Variants in MGME1 observed in about 807,000 individuals in gnomAD.
The protein encoded by MGME1 is chromosome 20 open reading frame 72.
Under a neutral mutation model 33.0 loss-of-function variants are expected in MGME1, and 22 were observed. That is an observed-to-expected ratio of 0.67 (90% CI 0.48 to 0.95). The LOEUF is 0.95. Ranked by LOEUF, MGME1 falls within the 40% of genes least tolerant of loss-of-function variation. The pLI is 0.00. For missense variants in MGME1, 383 were observed against 397.8 expected (o/e 0.96, Z 0.32); for synonymous variants, 133 against 144.0 (o/e 0.92, Z 0.55).
rs1555792155 is a variant in MGME1, at chr20:17,990,410, T to TGTG, written c.*302_*303insTGG. On this transcript the variant is annotated 3_prime_UTR_variant, in exon 5 of 5. Transcript: ENST00000377710. Reference sequence around the variant, plus strand: ...ACTCTTGTACTCCCTTGAGGGACATTGGGGGGGGGGGGGCGTGGTCCCAGG... The same window carrying TGTG: ...ACTCTTGTACTCCCTTGAGGGACATTGTGGGGGGGGGGGGGGCGTGGTCCCAGG... 4.5e-5 allele frequency: 2 copies of TGTG among 44,504 alleles called. No individual in the cohort carries two copies. Among genetic ancestry groups the TGTG allele is most frequent in the African/African-American group, 2.8e-4 (2 of 7,190 alleles). 2.8% of individuals were successfully genotyped at this position (44,504 alleles called of 1,614,324 possible). A position where few individuals can be genotyped will look rare whatever the true frequency, so the allele number is the denominator to read the frequency against.
chr20:17,978,979 T>C (rs1178211856), intron 3 of MGME1, among the ~76,000 whole-genome samples: 4 of 152,002 alleles, frequency 2.6e-5, no homozygotes, highest in African/African-American at 9.7e-5. Context: ...GGTTTGGACA[T>C]GTTGCCCAGG....
In MGME1 at chr20:17,990,206, C is replaced by A. The variant is rs771507581; in HGVS notation, c.*97C>A. Reference sequence around the variant, plus strand: ...GTGTAAAAATGAGGTGCCACTGGATCTGAGTGCTACACGAACACAAGTAGA... The same window carrying A: ...GTGTAAAAATGAGGTGCCACTGGATATGAGTGCTACACGAACACAAGTAGA... On this transcript the variant is annotated 3_prime_UTR_variant, in exon 5 of 5. Transcript: ENST00000377710. The A allele has an allele frequency of 1.9e-5, 19 of 1,004,230 alleles. 2 individuals are homozygous for A. The South Asian group carries it at 2.3e-4, about 12-fold the overall frequency. 62.2% of individuals were successfully genotyped at this position (1,004,230 alleles called of 1,614,324 possible).
upstream of MGME1, chr20:17,968,711 T>C: frequency 2.2e-6 from 1 of 448,932 alleles, no homozygotes; most frequent in East Asian, 4.6e-5. Flanking sequence ...CTTGCTCCGC[T>C]CCACGAGGAG....
At chr20:17,970,919 A>T (rs1292180511) in intron 2 of MGME1, among the ~76,000 whole-genome samples, 2 of 152,252 alleles carry the variant, frequency 1.3e-5, no homozygotes, top group Non-Finnish European at 2.9e-5. Context: ...TAATTTACTA[A>T]CTTGGACAAG....
At chr20:17,974,674 C>G (rs6034931) in intron 2 of MGME1, among the ~76,000 whole-genome samples, 1 of 151,846 alleles carries the variant, frequency 6.6e-6, no homozygotes. Flanking sequence ...AATCAGAATT[C>G]TAATAATCTA....
chr20:17,974,306 C>A (rs1375601965), intron 2 of MGME1, among the ~76,000 whole-genome samples: 1 of 152,234 alleles, frequency 6.6e-6, no homozygotes, highest in South Asian at 2.1e-4. Flanking sequence ...CTCAGGTAAT[C>A]CGCCTGCCTT....
chr20:17,988,414 G>A (rs778582510), intron 4 of MGME1, 116 bp downstream of exon 4: 17 of 1,089,546 alleles, frequency 1.6e-5, no homozygotes, highest in African/African-American at 1.6e-5. Context: ...GGCCAAGGCC[G>A]GTGGATCACT....
At position 17,990,410 on chromosome 20, in the gene MGME1, T is replaced by TGGGCGGGGGGGGGGGGG. The variant is rs1555792156; in HGVS notation, c.*304_*305insCGGGGGGGGGGGGGGGG. 2.2e-5 allele frequency: 1 copy of TGGGCGGGGGGGGGGGGG among 44,502 alleles called. No homozygotes were observed. The highest frequency in any genetic ancestry group is 1.4e-4 in the African/African-American group (1 of 7,188). 2.8% of individuals were successfully genotyped at this position (44,502 alleles called of 1,614,324 possible). On this transcript the variant is annotated 3_prime_UTR_variant, in exon 5 of 5. Transcript: ENST00000377710. ...ACTCTTGTACTCCCTTGAGGGACAT[T>TGGGCGGGGGGGGGGGGG]GGGGGGGGGGGGGCGTGGTCCCAGG...
At chr20:17,979,481 G>A (rs1276786308) in intron 3 of MGME1, among the ~76,000 whole-genome samples, 4 of 151,494 alleles carry the variant, frequency 2.6e-5, no homozygotes, top group Middle Eastern at 3.4e-3. Flanking sequence ...GCGCGATCTC[G>A]GCTCACTGCA....
intron 3 of MGME1, among the ~76,000 whole-genome samples, chr20:17,979,126 G>A (rs2035940030): frequency 6.6e-6 from 1 of 151,792 alleles, no homozygotes; most frequent in Admixed American, 6.6e-5. Context: ...GCCCAAGCTG[G>A]AGTGCGGTGG....
chr20:17,989,198 T>G (rs2036228952), intron 4 of MGME1, among the ~76,000 whole-genome samples: 1 of 151,686 alleles, frequency 6.6e-6, no homozygotes, highest in South Asian at 2.1e-4. Flanking sequence ...CCAGCTTGGC[T>G]GACATGGCGA....
rs1555791107 is a variant in MGME1, at chr20:17,983,267, TTGTGTGTGTGTG to T, written c.732-4875_732-4864del. Among the ~76,000 whole-genome samples, 194 of 142,688 alleles carry T rather than the reference TTGTGTGTGTGTG, an allele frequency of 1.4e-3. 2 individuals are homozygous for T. Among genetic ancestry groups the T allele is most frequent in the African/African-American group, 3.5e-3 (134 of 38,220 alleles). The allele number at this position is 142,688 out of a possible 152,430, so 93.6% of individuals were successfully genotyped here. On this transcript the variant is annotated intron_variant, in intron 3 of 4. Transcript: ENST00000377710. ...TTTTTAAAGGCTATGTAGTGTTCTA[TTGTGTGTGTGTG>T]TGTGTGTGTGTGTGTGTGTGTGTAT...
chr20:17,987,141 C>T (rs1374427912), intron 3 of MGME1, among the ~76,000 whole-genome samples: 2 of 148,782 alleles, frequency 1.3e-5, no homozygotes, highest in South Asian at 2.1e-4. Flanking sequence ...GATTACACCA[C>T]TGCACTCCAG....
chr20:17,981,572 A>G (rs915098695), intron 3 of MGME1, among the ~76,000 whole-genome samples: 1 of 152,140 alleles, frequency 6.6e-6, no homozygotes, highest in Non-Finnish European at 1.5e-5. Context: ...AGAACTGGGA[A>G]GGAAGTATGA....
chr20:17,977,490 CAG>C (rs1179772814), intron 3 of MGME1, among the ~76,000 whole-genome samples: 2 of 152,044 alleles, frequency 1.3e-5, no homozygotes, highest in Non-Finnish European at 1.5e-5. Context: ...ACTCCATAGA[CAG>C]AGCAGGGCGT....
At chr20:17,973,494 A>T (rs976965654) in intron 2 of MGME1, among the ~76,000 whole-genome samples, 85 of 152,006 alleles carry the variant, frequency 5.6e-4, no homozygotes, top group African/African-American at 1.6e-3. Context: ...CAAAAAAAAA[A>T]TTTTTTTGAA....
intron 2 of MGME1, 48 bp from the exon 3 acceptor site, chr20:17,975,636 G>A: frequency 7.3e-7 from 1 of 1,361,914 alleles, no homozygotes; most frequent in Non-Finnish European, 1.0e-6. Context: ...TTCAGTGTTA[G>A]CTTTGTTTGT....
chr20:17,972,587 G>A (rs2035757767), intron 2 of MGME1: 1 of 848,310 alleles, frequency 1.2e-6, no homozygotes, highest in African/African-American at 1.8e-5. Context: ...TCATTACTTT[G>A]AGTGAATAAG....
At chr20:17,970,415 T>G (rs1381443708) in intron 2 of MGME1, 45 bp downstream of exon 2, 1 of 1,535,144 alleles carries the variant, frequency 6.5e-7, no homozygotes, top group Non-Finnish European at 8.7e-7. Flanking sequence ...ATGTTTTCTA[T>G]AATAGAGAGC....
Sources: gnomAD v4.1 joint callset for allele counts (sites outside exome capture counted in the v4.1 genomes callset) on GRCh38, gnomAD v4.1.1 for gene constraint, MANE v1.5 for transcripts, NCBI Gene and HGNC (gene_info 2026-07-23, HGNC 2026-07-21) for gene names.